Variants in TAFA5 observed in about 807,000 individuals in gnomAD.
TAFA5 encodes TAFA chemokine like family member 5, also known as chemokine-like protein TAFA-5.
TAFA5 carries 6 observed loss-of-function variants against 15.3 expected under a neutral mutation model. The observed-to-expected ratio is 0.39, with a 90% confidence interval of 0.21 to 0.77. The LOEUF (loss-of-function observed/expected upper bound fraction) is 0.77. TAFA5 is among the 30% of genes least tolerant of loss of function. The probability of loss-of-function intolerance (pLI) is 0.41; values close to 1 mark genes in which losing one functional copy is unlikely to be tolerated. For synonymous variants in TAFA5, 103 were observed against 80.7 expected (o/e 1.28, Z -1.48); for missense variants, 161 against 193.1 (o/e 0.83, Z 0.98).
intron 1 of TAFA5, among the ~76,000 whole-genome samples, chr22:48,632,024 C>T (rs115624017): frequency 0.014 from 2,086 of 152,318 alleles, 30 homozygotes; most frequent in African/African-American, 0.047. Context: ...GTTCCTTCAT[C>T]ACGTTGTCAC....
intron 2 of TAFA5, among the ~76,000 whole-genome samples, chr22:48,649,955 C>T (rs918438911): frequency 1.3e-4 from 20 of 152,126 alleles, no homozygotes; most frequent in African/African-American, 3.4e-4. Flanking sequence ...CCTCAGGAGC[C>T]GGGTCCCAGA....
intron 1 of TAFA5, among the ~76,000 whole-genome samples, chr22:48,623,007 GC>G (rs1467715596): frequency 6.6e-6 from 1 of 152,240 alleles, no homozygotes; most frequent in African/African-American, 2.4e-5. Context: ...CTCCCCAGAA[GC>G]TCTTAACTCC....
At chr22:48,639,487 C>T (rs1009738520) in intron 1 of TAFA5, among the ~76,000 whole-genome samples, 11 of 152,352 alleles carry the variant, frequency 7.2e-5, no homozygotes, top group African/African-American at 1.9e-4. Context: ...CTGCGCCCCA[C>T]GGGTGGCAGG....
chr22:48,628,785 C>T (rs545544675), intron 1 of TAFA5, among the ~76,000 whole-genome samples: 32 of 152,324 alleles, frequency 2.1e-4, no homozygotes, highest in African/African-American at 7.2e-4. Context: ...CAAACAGCTC[C>T]GCGGCCACCA....
At chr22:48,606,903 C>G (rs902387888) in intron 1 of TAFA5, among the ~76,000 whole-genome samples, 4 of 152,228 alleles carry the variant, frequency 2.6e-5, no homozygotes, top group Admixed American at 2.6e-4. Flanking sequence ...CTTCACGTGA[C>G]AGTTCACGCT....
At chr22:48,626,040 C>T (rs189487309) in intron 1 of TAFA5, among the ~76,000 whole-genome samples, 23 of 152,298 alleles carry the variant, frequency 1.5e-4, no homozygotes, top group Admixed American at 2.6e-4. Flanking sequence ...TTGTTATCCC[C>T]GAGTAAGATT....
At chr22:48,685,759 C>T (rs1928333167) in intron 2 of TAFA5, among the ~76,000 whole-genome samples, 1 of 152,102 alleles carries the variant, frequency 6.6e-6, no homozygotes, top group African/African-American at 2.4e-5. Context: ...GGGTTTACAG[C>T]TCTCTGCCAG....
intron 1 of TAFA5, among the ~76,000 whole-genome samples, chr22:48,586,535 C>A (rs1924369297): frequency 6.6e-6 from 1 of 152,220 alleles, no homozygotes; most frequent in Admixed American, 6.5e-5. Context: ...TGTGCAAAAC[C>A]CAGGAGCCAC....
At chr22:48,567,524 C>T (rs1923447449) in intron 1 of TAFA5, among the ~76,000 whole-genome samples, 1 of 152,148 alleles carries the variant, frequency 6.6e-6, no homozygotes, top group Non-Finnish European at 1.5e-5. Flanking sequence ...GATAAGAGTC[C>T]CTGCGGTTGC....
In TAFA5 at chr22:48,711,321, G is replaced by T. The variant is rs567334623; in HGVS notation, c.390+3477G>T. The stretch of plus-strand genomic sequence containing the variant: ...TGTCTCTCAGCCTGTGCCTCATGTT[G>T]CTATGGCGGGGGCACCTTGTATACA... On this transcript the variant is annotated intron_variant, in intron 3 of 3. Coordinates refer to ENST00000402357, the MANE Select transcript of TAFA5 (RefSeq NM_001082967.3). Among the ~76,000 whole-genome samples, 283 of 152,186 alleles carry T rather than the reference G, an allele frequency of 1.9e-3. 1 individual carries two copies. The highest frequency in any genetic ancestry group is 2.1e-3 in the Non-Finnish European group (140 of 67,996).
At chr22:48,609,818 G>A (rs1925333383) in intron 1 of TAFA5, among the ~76,000 whole-genome samples, 1 of 152,138 alleles carries the variant, frequency 6.6e-6, no homozygotes, top group Non-Finnish European at 1.5e-5. Flanking sequence ...GCTGCTCTCT[G>A]GCTGCCCGTG....
intron 2 of TAFA5, among the ~76,000 whole-genome samples, chr22:48,686,594 G>A (rs1928360827): frequency 6.6e-6 from 1 of 152,234 alleles, no homozygotes; most frequent in African/African-American, 2.4e-5. Flanking sequence ...ATGCTCAGGT[G>A]TTTGGATGTT....
chr22:48,575,584 T>C (rs1923744871), intron 1 of TAFA5, among the ~76,000 whole-genome samples: 1 of 145,468 alleles, frequency 6.9e-6, no homozygotes, highest in African/African-American at 2.5e-5. Context: ...CGGCCCCACC[T>C]GTAGGCGCGG....
intron 1 of TAFA5, among the ~76,000 whole-genome samples, chr22:48,520,473 C>A (rs1425621981): frequency 1.3e-5 from 2 of 152,262 alleles, no homozygotes; most frequent in Non-Finnish European, 2.9e-5. Flanking sequence ...AAGTGGCCAA[C>A]TGCCATCTGA....
intron 2 of TAFA5, among the ~76,000 whole-genome samples, chr22:48,662,947 C>T (rs1269517673): frequency 6.6e-6 from 1 of 152,206 alleles, no homozygotes. Context: ...ATAAAGGTCT[C>T]CTTTAATCAT....
chr22:48,518,508 AG>A (rs1414277031), intron 1 of TAFA5, among the ~76,000 whole-genome samples: 1 of 152,184 alleles, frequency 6.6e-6, no homozygotes, highest in African/African-American at 2.4e-5. Context: ...CAGGAAAACG[AG>A]GGCTCTTGTC....
At chr22:48,536,569 A>G (rs1209712981) in intron 1 of TAFA5, among the ~76,000 whole-genome samples, 3 of 152,240 alleles carry the variant, frequency 2.0e-5, no homozygotes, top group African/African-American at 7.2e-5. Context: ...CTATGGAGGA[A>G]CAAGGACTCC....
At position 48,751,589 on chromosome 22, in the gene TAFA5, G is replaced by A. The variant is rs1406793691; in HGVS notation, c.*1742G>A. 1 of 152,386 alleles carries A rather than the reference G, an allele frequency of 6.6e-6. No homozygotes were observed. The highest frequency in any genetic ancestry group is 1.5e-5 in the Non-Finnish European group (1 of 68,052). 9.4% of individuals were successfully genotyped at this position (152,386 alleles called of 1,614,324 possible). A position where few individuals can be genotyped will look rare whatever the true frequency, so the allele number is the denominator to read the frequency against. On this transcript the variant is annotated 3_prime_UTR_variant, in exon 4 of 4. Coordinates refer to ENST00000402357, the MANE Select transcript of TAFA5 (RefSeq NM_001082967.3). Reference sequence around the variant, plus strand: ...ATTTAAGACCTGTTCCGGTATCCATGAGGACATAATTTACCTTTCAGTCAC... The same window carrying A: ...ATTTAAGACCTGTTCCGGTATCCATAAGGACATAATTTACCTTTCAGTCAC...
At chr22:48,630,117 A>G (rs757287204) in intron 1 of TAFA5, among the ~76,000 whole-genome samples, 2 of 152,070 alleles carry the variant, frequency 1.3e-5, no homozygotes, top group African/African-American at 2.4e-5. Context: ...TGCGAATTCT[A>G]GATTCTCTAA....
Sources: allele counts gnomAD v4.1 joint callset (sites outside exome capture counted in the v4.1 genomes callset), GRCh38; gene constraint gnomAD v4.1.1; transcripts MANE v1.5; gene names NCBI Gene and HGNC (gene_info 2026-07-23, HGNC 2026-07-21).